The following CRYM variants were observed in gnomAD, a reference collection of about 807,000 sequenced individuals.
The protein encoded by CRYM is ketimine reductase mu-crystallin.
A neutral mutation model predicts 32.9 loss-of-function variants in CRYM; 18 were observed. The ratio of observed to expected loss-of-function variants is 0.55; its 90% confidence interval spans 0.38 to 0.81. CRYM has a LOEUF of 0.81. Among genes scored for constraint, CRYM ranks in the 30% least tolerant of loss-of-function variants. CRYM has a pLI of 0.00. For synonymous variants in CRYM, 153 were observed against 152.4 expected (o/e 1.00, Z -0.03); for missense variants, 337 against 393.5 (o/e 0.86, Z 1.21).
In CRYM at chr16:21,277,334, G is replaced by A. The variant is rs1296343060; in HGVS notation, c.324+97C>T. 35 of 1,331,088 alleles carry A rather than the reference G, an allele frequency of 2.6e-5. No homozygotes were observed. Among genetic ancestry groups the A allele is most frequent in the Non-Finnish European group, 3.6e-5 (34 of 950,236 alleles). The allele number at this position is 1,331,088 out of a possible 1,614,324, so 82.5% of individuals were successfully genotyped here. On this transcript the variant is annotated intron_variant, in intron 2 of 7. Transcript: ENST00000572914. This position sits in a 1 kb window ranked among gnomAD's most constrained non-coding sequence, Gnocchi z 4.2. ...AGTCACTTGCAGAGGGGCACGCGTA[G>A]TCACAATCAAGACTCCCCCTGCTGC...
chr16:21,285,325 T>C (rs961600121), intron 1 of CRYM, among the ~76,000 whole-genome samples: 3 of 152,218 alleles, frequency 2.0e-5, no homozygotes, highest in Admixed American at 6.5e-5. Flanking sequence ...TTAAAAGTCT[T>C]GAGGCTAGGA....
intron 1 of CRYM, among the ~76,000 whole-genome samples, chr16:21,284,707 T>C (rs866736038): frequency 1.1e-4 from 16 of 152,370 alleles, no homozygotes; most frequent in South Asian, 2.1e-4. Flanking sequence ...GTTGATTCTA[T>C]GTCTTTGCTA....
chr16:21,274,220 G>A (rs1351579000), intron 3 of CRYM, among the ~76,000 whole-genome samples: 1 of 152,162 alleles, frequency 6.6e-6, no homozygotes, highest in Non-Finnish European at 1.5e-5. Flanking sequence ...TTTTAAAAAT[G>A]CTGTTTTTCT....
At chr16:21,259,469 C>A (rs1327163123) in intron 7 of CRYM, among the ~76,000 whole-genome samples, 1 of 152,058 alleles carries the variant, frequency 6.6e-6, no homozygotes, top group African/African-American at 2.4e-5. Flanking sequence ...GCCACAGGGT[C>A]TCTATTACAA....
intron 2 of CRYM, 109 bp from the exon 3 acceptor site, chr16:21,275,703 C>T (rs1436642078): frequency 4.6e-6 from 4 of 873,408 alleles, no homozygotes; most frequent in Non-Finnish European, 7.5e-6. Flanking sequence ...ATCCTACAAA[C>T]AGCATGGGTT....
intron 3 of CRYM, 51 bp from the exon 4 acceptor site, chr16:21,269,942 G>T: frequency 1.6e-6 from 2 of 1,278,986 alleles, no homozygotes; most frequent in Non-Finnish European, 2.3e-6. Context: ...CTAGCAGACG[G>T]GTAAAAAACT....
chr16:21,269,770 A>ACCCCCCCCC lies in CRYM; in HGVS notation c.489+19_489+20insGGGGGGGGG. 3 of 421,326 alleles carry ACCCCCCCCC rather than the reference A, an allele frequency of 7.1e-6. No homozygotes were observed. The highest frequency in any genetic ancestry group is 2.1e-5 in the South Asian group (1 of 46,548). 26.1% of individuals were successfully genotyped at this position (421,326 alleles called of 1,614,324 possible). ...ACCACCCCCTTCCCTCTTCTCTCCC[A>ACCCCCCCCC]CCCCCACCCCTGGACTTACCTCCTT... On this transcript the variant is annotated intron_variant, in intron 4 of 7. Coordinates refer to ENST00000572914, the MANE Select transcript of CRYM (RefSeq NM_001376256.1).
Position 21,258,671 on chromosome 16 carries a change from G to T in CRYM, c.*110C>A. On this transcript the variant is annotated 3_prime_UTR_variant, in exon 8 of 8. Coordinates refer to ENST00000572914, the MANE Select transcript of CRYM (RefSeq NM_001376256.1). ...CAGCATTTAAGGTAAAACATGATAAGCACAAAAGGAGAGTTCACTGGGGAC... is the reference window on the plus strand; with the variant it reads ...CAGCATTTAAGGTAAAACATGATAATCACAAAAGGAGAGTTCACTGGGGAC... The T allele has an allele frequency of 1.1e-6, 1 of 938,444 alleles. No homozygotes were observed. 58.1% of individuals were successfully genotyped at this position (938,444 alleles called of 1,614,324 possible).
chr16:21,299,297 T>G (rs1262588711), intron 1 of CRYM, among the ~76,000 whole-genome samples: 3 of 145,096 alleles, frequency 2.1e-5, no homozygotes, highest in South Asian at 2.2e-4. Context: ...AGGCTTTTAG[T>G]TTTTTTTTTT....
chr16:21,294,923 C>A (rs952646378), intron 1 of CRYM, among the ~76,000 whole-genome samples: 2 of 152,040 alleles, frequency 1.3e-5, no homozygotes, highest in African/African-American at 4.8e-5. Flanking sequence ...TCTCGATCTC[C>A]TGACCTCGCA....
intron 5 of CRYM, among the ~76,000 whole-genome samples, chr16:21,265,681 C>T (rs2093362526): frequency 6.6e-6 from 1 of 152,236 alleles, no homozygotes; most frequent in Non-Finnish European, 1.5e-5. Context: ...TGATTGAATG[C>T]GTCATCATTT....
At position 21,269,116 on chromosome 16, in the gene CRYM, C is replaced by T. The variant is rs536446112; in HGVS notation, c.489+674G>A. 2.7e-5 allele frequency among the ~76,000 whole-genome samples: 4 copies of T among 147,400 alleles called. No individual in the cohort carries two copies. In the Admixed American group the frequency reaches 2.7e-4, roughly 10 times the overall value. On this transcript the variant is annotated intron_variant, in intron 4 of 7. Coordinates refer to ENST00000572914, the MANE Select transcript of CRYM (RefSeq NM_001376256.1). Reference sequence around the variant, plus strand: ...CCGAGATTATGCCACTGCACTCCAGCCTGGGCGACAGCGCGAGACTCCATT... The same window carrying T: ...CCGAGATTATGCCACTGCACTCCAGTCTGGGCGACAGCGCGAGACTCCATT...
intron 1 of CRYM, among the ~76,000 whole-genome samples, chr16:21,287,068 C>T (rs1052965503): frequency 6.1e-5 from 9 of 148,046 alleles, no homozygotes; most frequent in South Asian, 2.1e-4. Context: ...CCAGCCTGGG[C>T]GACAGAGCGA....
At chr16:21,282,668 C>A (rs980667854), upstream of CRYM, among the ~76,000 whole-genome samples, 1 of 151,926 alleles carries the variant, frequency 6.6e-6, no homozygotes, top group Non-Finnish European at 1.5e-5. Context: ...AAATAAGAAA[C>A]CTCAATAATA....
At chr16:21,299,732 C>T (rs1288609063) in intron 1 of CRYM, among the ~76,000 whole-genome samples, 1 of 152,100 alleles carries the variant, frequency 6.6e-6, no homozygotes, top group East Asian at 1.9e-4. Context: ...ATAAATCTGC[C>T]GAAACCATTA....
At chr16:21,297,131 C>T (rs534233128) in intron 1 of CRYM, among the ~76,000 whole-genome samples, 3 of 152,156 alleles carry the variant, frequency 2.0e-5, no homozygotes, top group Non-Finnish European at 4.4e-5. Flanking sequence ...CGGTGGCTCA[C>T]GCCTGTAATC....
intron 3 of CRYM, among the ~76,000 whole-genome samples, chr16:21,274,313 T>C (rs2152862895): frequency 6.6e-6 from 1 of 152,324 alleles, no homozygotes. Flanking sequence ...CCTCCGTGTT[T>C]TTGCATGGTT....
intron 1 of CRYM, among the ~76,000 whole-genome samples, chr16:21,294,447 C>G (rs564649138): frequency 2.3e-4 from 35 of 152,236 alleles, no homozygotes; most frequent in Admixed American, 3.9e-4. Context: ...AACCTATCAT[C>G]TAGGTTTTAA....
rs370027637 is a variant in CRYM, at chr16:21,287,895, T to C, written c.-192-8935A>G. Among the ~76,000 whole-genome samples the C allele has an allele frequency of 5.3e-5, 8 of 152,332 alleles. No homozygotes were observed. The South Asian group carries it at 8.3e-4, about 16-fold the overall frequency. ...GCACATTATCAAACCAGAGGAACAA[T>C]TGTGGGAGTCCTAACATTTGTAGTT... On this transcript the variant is annotated intron_variant, in intron 1 of 9. Coordinates refer to the CRYM transcript ENST00000219599.
Sources: allele counts gnomAD v4.1 joint callset (sites outside exome capture counted in the v4.1 genomes callset), GRCh38; gene constraint gnomAD v4.1.1; non-coding constraint Gnocchi (gnomAD v3.1); transcripts MANE v1.5; gene names NCBI Gene and HGNC (gene_info 2026-07-23, HGNC 2026-07-21).